ROBO1: variants seen among roughly 807,000 people sequenced by gnomAD.
The protein encoded by ROBO1 is roundabout guidance receptor 1, also known as roundabout homolog 1.
Under a neutral mutation model 195.9 loss-of-function variants are expected in ROBO1, and 149 were observed. That is an observed-to-expected ratio of 0.76 (90% confidence interval 0.67 to 0.87). The LOEUF (loss-of-function observed/expected upper bound fraction) is 0.87, where lower values mean the gene tolerates loss of function less well. Among genes scored for constraint, ROBO1 ranks in the 40% least tolerant of loss-of-function variants. ROBO1 has a pLI of 0.00. For missense variants in ROBO1, 1,933 were observed against 2,068.3 expected (o/e 0.93, Z 1.27); for synonymous variants, 816 against 733.2 (o/e 1.11, Z -1.82).
At chr3:78,951,256 C>T (rs2040766979) in intron 3 of ROBO1, among the ~76,000 whole-genome samples, 1 of 151,466 alleles carries the variant, frequency 6.6e-6, no homozygotes, top group Admixed American at 6.6e-5. Context: ...TTCACTCTGT[C>T]ACAATTATTT....
At chr3:79,267,338 G>A (rs2030057344) in intron 2 of ROBO1, among the ~76,000 whole-genome samples, 1 of 151,424 alleles carries the variant, frequency 6.6e-6, no homozygotes, top group Non-Finnish European at 1.5e-5. Context: ...CTCCATTTCA[G>A]AGTCAAACCC....
At chr3:78,613,208 T>G (rs1318842923) in intron 28 of ROBO1, among the ~76,000 whole-genome samples, 2 of 152,186 alleles carry the variant, frequency 1.3e-5, no homozygotes. Context: ...GGTAGAAAGA[T>G]CTACACAAGG....
At chr3:79,702,761 T>C (rs114475865) in intron 1 of ROBO1, among the ~76,000 whole-genome samples, 2,125 of 152,076 alleles carry the variant, frequency 0.014, 31 homozygotes, top group African/African-American at 0.035. Flanking sequence ...ATATTTGTGC[T>C]GTATTGTCAG....
At chr3:79,293,315 CT>C (rs143071647) in intron 2 of ROBO1, among the ~76,000 whole-genome samples, 2,893 of 152,088 alleles carry the variant, frequency 0.019, 88 homozygotes, top group African/African-American at 0.065. Context: ...TTTCATTAAT[CT>C]TTTCAAAAAA....
chr3:79,560,406 T>G lies in ROBO1; in HGVS notation c.88+29418A>C, dbSNP rs563479281. On this transcript the variant is annotated intron_variant, in intron 2 of 30. Coordinates refer to ENST00000464233, the MANE Select transcript of ROBO1 (RefSeq NM_002941.4). ...TGTGGGGTGGGGGGAGGGGGAGGGA[T>G]AGCATTAGGAGATATACCTAATGCT... is the stretch of plus-strand genomic sequence containing the variant. Among the ~76,000 whole-genome samples, 707 of 140,198 alleles carry G rather than the reference T, an allele frequency of 5.0e-3. 8 individuals are homozygous for G. The highest frequency in any genetic ancestry group is 0.018 in the African/African-American group (673 of 37,680). The allele number at this position is 140,198 out of a possible 152,430, so 92.0% of individuals were successfully genotyped here. A position where few individuals can be genotyped will look rare whatever the true frequency, so the allele number is the denominator to read the frequency against.
intron 2 of ROBO1, among the ~76,000 whole-genome samples, chr3:79,255,547 G>C (rs1258171707): frequency 6.6e-6 from 1 of 152,020 alleles, no homozygotes; most frequent in African/African-American, 2.4e-5. Flanking sequence ...CGGATTGTTG[G>C]TAAAGTAGTA....
At chr3:78,809,358 G>A (rs112630043) in intron 4 of ROBO1, among the ~76,000 whole-genome samples, 4,206 of 152,254 alleles carry the variant, frequency 0.028, 156 homozygotes, top group African/African-American at 0.086. Context: ...TGGAGAGGAT[G>A]TGGAGAAATA....
intron 2 of ROBO1, among the ~76,000 whole-genome samples, chr3:79,482,108 T>C (rs982021601): frequency 9.2e-5 from 14 of 152,194 alleles, no homozygotes; most frequent in African/African-American, 3.4e-4. Context: ...TCGTGTACTT[T>C]GTAAGGACAC....
intron 2 of ROBO1, among the ~76,000 whole-genome samples, chr3:79,214,433 C>A (rs1336533880): frequency 6.6e-6 from 1 of 152,048 alleles, no homozygotes; most frequent in Non-Finnish European, 1.5e-5. Flanking sequence ...TCCTCCCTTG[C>A]ATGACTTTGA....
At chr3:79,484,982 G>C (rs1325060537) in intron 2 of ROBO1, among the ~76,000 whole-genome samples, 4 of 151,756 alleles carry the variant, frequency 2.6e-5, no homozygotes, top group African/African-American at 9.7e-5. Context: ...TCGATCTCTT[G>C]ACCTTGTGAT....
At chr3:79,761,617 G>A (rs2107523500) in intron 1 of ROBO1, among the ~76,000 whole-genome samples, 1 of 152,268 alleles carries the variant, frequency 6.6e-6, no homozygotes, top group African/African-American at 2.4e-5. Flanking sequence ...AACTCTAAAT[G>A]CCATGTTCAC....
At chr3:78,775,762 T>C (rs333472) in intron 4 of ROBO1, among the ~76,000 whole-genome samples, 45,740 of 152,128 alleles carry the variant, frequency 0.3, 7,005 homozygotes, top group East Asian at 0.5. Flanking sequence ...CTATTGTGTA[T>C]AGCAGGCTTA....
chr3:79,183,693 C>A (rs151266072), intron 2 of ROBO1, among the ~76,000 whole-genome samples: 1 of 152,172 alleles, frequency 6.6e-6, no homozygotes. Flanking sequence ...GTAATGCAGT[C>A]GGTTAGTGGC....
intron 2 of ROBO1, among the ~76,000 whole-genome samples, chr3:79,341,912 A>T (rs895478687): frequency 3.3e-5 from 5 of 152,174 alleles, no homozygotes; most frequent in African/African-American, 1.2e-4. Flanking sequence ...TTATTCAAAC[A>T]CTACAATGAG....
At chr3:79,121,766 T>G (rs2080120209) in intron 3 of ROBO1, among the ~76,000 whole-genome samples, 1 of 152,002 alleles carries the variant, frequency 6.6e-6, no homozygotes, top group African/African-American at 2.4e-5. Flanking sequence ...AGGGTATATT[T>G]TAGACATTTC....
At chr3:78,606,663 A>G (rs1575763471) in intron 29 of ROBO1, 70 bp downstream of exon 29, 3 of 1,489,556 alleles carry the variant, frequency 2.0e-6, no homozygotes, top group African/African-American at 2.8e-5. Flanking sequence ...ACATGGCCAT[A>G]TAGAGCCTAA....
At chr3:78,903,288 C>A (rs902818219) in intron 4 of ROBO1, among the ~76,000 whole-genome samples, 1 of 152,018 alleles carries the variant, frequency 6.6e-6, no homozygotes, top group Non-Finnish European at 1.5e-5. Flanking sequence ...ATTTGGGAAA[C>A]AGAAAGTTTA....
chr3:78,818,583 T>C (rs1238724680), intron 4 of ROBO1, among the ~76,000 whole-genome samples: 2 of 152,224 alleles, frequency 1.3e-5, no homozygotes, highest in Non-Finnish European at 2.9e-5. Flanking sequence ...GTACACGCAG[T>C]CAGCGCCTTG....
chr3:79,334,081 G>A (rs1193204881), intron 2 of ROBO1, among the ~76,000 whole-genome samples: 1 of 151,766 alleles, frequency 6.6e-6, no homozygotes, highest in Non-Finnish European at 1.5e-5. Context: ...TGAGGTGGGT[G>A]GATCACCTGA....
Sources: gnomAD v4.1 joint callset for allele counts (sites outside exome capture counted in the v4.1 genomes callset) on GRCh38, gnomAD v4.1.1 for gene constraint, MANE v1.5 for transcripts, NCBI Gene and HGNC (gene_info 2026-07-23, HGNC 2026-07-21) for gene names.